NUDCD3: variants seen among roughly 807,000 people sequenced by gnomAD.
NUDCD3 encodes NudC domain containing 3, also known as nudC domain-containing protein 3.
A neutral mutation model predicts 39.7 loss-of-function variants in NUDCD3; 13 were observed. That is an observed-to-expected ratio of 0.33 (90% confidence interval 0.21 to 0.52). The LOEUF is 0.52. Among genes scored for constraint, NUDCD3 ranks in the 20% least tolerant of loss-of-function variants. The pLI, the probability that NUDCD3 is intolerant of heterozygous loss-of-function variation, is 0.96. For missense variants in NUDCD3, 453 were observed against 458.1 expected (o/e 0.99, Z 0.10); for synonymous variants, 175 against 172.4 (o/e 1.02, Z -0.12).
intron 3 of NUDCD3, among the ~76,000 whole-genome samples, chr7:44,421,049 A>G (rs1335801097): frequency 6.6e-6 from 1 of 152,144 alleles, no homozygotes; most frequent in East Asian, 1.9e-4. Context: ...AAAGACACAG[A>G]TGGGCCAGGA....
intron 2 of NUDCD3, among the ~76,000 whole-genome samples, chr7:44,430,335 G>A (rs545982390): frequency 6.6e-6 from 1 of 152,244 alleles, no homozygotes; most frequent in African/African-American, 2.4e-5. Flanking sequence ...CAGACCCCAA[G>A]TTTCCACAGG....
At chr7:44,443,399 T>C (rs1319455750) in intron 2 of NUDCD3, among the ~76,000 whole-genome samples, 2 of 151,948 alleles carry the variant, frequency 1.3e-5, no homozygotes, top group Admixed American at 6.6e-5. Flanking sequence ...GAAATCTTTT[T>C]TTTTCTTTTC....
At chr7:44,391,147 G>GA (rs1187103712) in intron 5 of NUDCD3, among the ~76,000 whole-genome samples, 20 of 151,870 alleles carry the variant, frequency 1.3e-4, no homozygotes, top group South Asian at 2.1e-4. Context: ...ATTGTGGGGG[G>GA]AAAAAAACAA....
At position 44,490,403 on chromosome 7, in the gene NUDCD3, C is replaced by G; in HGVS notation, c.192+6G>C. ...GCTCCCCAGACCGCAGGCCCGCCCG[C>G]CTCACCTGCAGCACCAAGGCCTGCG... On this transcript the variant is annotated splice_donor_region_variant and intron_variant, in intron 1 of 5. Coordinates refer to ENST00000355451, the MANE Select transcript of NUDCD3 (RefSeq NM_015332.4). The G allele has an allele frequency of 6.5e-7, 1 of 1,544,956 alleles. No individual in the cohort carries two copies.
chr7:44,394,231 CA>C (rs1798577356), intron 4 of NUDCD3, among the ~76,000 whole-genome samples: 1 of 152,186 alleles, frequency 6.6e-6, no homozygotes, highest in African/African-American at 2.4e-5. Flanking sequence ...GAGTGGTGAA[CA>C]GGGGGAGTGG....
In NUDCD3 at chr7:44,386,190, C is replaced by T. The variant is rs567413467; in HGVS notation, c.976-69G>A. 183 of 1,539,062 alleles carry T rather than the reference C, an allele frequency of 1.2e-4. No individual in the cohort carries two copies. In the African/African-American group the frequency reaches 2.2e-3, roughly 18 times the overall value. The stretch of plus-strand genomic sequence containing the variant: ...TGTGTACTTTCTCCCAGAGCAGACT[C>T]TGACTGCAGGTAGAGAGCCTTCTTG... On this transcript the variant is annotated intron_variant, in intron 5 of 5. Coordinates refer to ENST00000355451, the MANE Select transcript of NUDCD3 (RefSeq NM_015332.4).
chr7:44,430,597 CACACACAA>C (rs1188226631), intron 2 of NUDCD3, among the ~76,000 whole-genome samples: 14 of 151,146 alleles, frequency 9.3e-5, no homozygotes, highest in African/African-American at 3.4e-4. Flanking sequence ...CACACACACA[CACACACAA>C]AAGACCAACA....
intron 2 of NUDCD3, among the ~76,000 whole-genome samples, chr7:44,462,828 G>C (rs2116951461): frequency 6.6e-6 from 1 of 152,178 alleles, no homozygotes; most frequent in South Asian, 2.1e-4. Context: ...GAATTTTCCA[G>C]GAATACAACA....
Position 44,485,128 on chromosome 7 carries a change from C to G in NUDCD3, c.349G>C (p.Glu117Gln). 6.2e-7 allele frequency: 1 copy of G among 1,614,226 alleles called. No individual in the cohort carries two copies. The highest frequency in any genetic ancestry group is 1.7e-5 in the Admixed American group (1 of 60,024). Residue 117 changes from glutamate to glutamine, a missense_variant, in exon 2 of 6, where the codon GAG (glutamate) becomes CAG (glutamine). By Grantham distance (29) the Glu-to-Gln change is conservative. Coordinates refer to ENST00000355451, the MANE Select transcript of NUDCD3 (RefSeq NM_015332.4). The part of the protein sequence containing the change: ...EPVPVPVQEI[E>Q]IDSTTELDGH... ...TCCAATTCTGTGGTGGAGTCAATCT[C>G]TATTTCCTGGACTGGAACTGGGACT...
intron 3 of NUDCD3, among the ~76,000 whole-genome samples, chr7:44,417,021 C>T (rs1009236357): frequency 1.2e-4 from 18 of 152,310 alleles, no homozygotes; most frequent in Middle Eastern, 3.4e-3. Flanking sequence ...AGGTTCTATA[C>T]GGCACCTGCC....
intron 3 of NUDCD3, among the ~76,000 whole-genome samples, chr7:44,427,295 G>A (rs1799254566): frequency 1.3e-5 from 2 of 152,170 alleles, no homozygotes; most frequent in Admixed American, 1.3e-4. Flanking sequence ...AAGAGGTGAA[G>A]ACATCAGATG....
intron 2 of NUDCD3, among the ~76,000 whole-genome samples, chr7:44,434,675 G>A (rs1799432971): frequency 6.6e-6 from 1 of 152,204 alleles, no homozygotes; most frequent in Non-Finnish European, 1.5e-5. Context: ...CTGGTCTCAA[G>A]TATGTCCTAC....
chr7:44,456,754 TA>T (rs397889034), intron 2 of NUDCD3, among the ~76,000 whole-genome samples: 305 of 142,060 alleles, frequency 2.1e-3, no homozygotes, highest in Middle Eastern at 3.5e-3. Context: ...AGACCAATCT[TA>T]AAAAAAAAAA....
intron 4 of NUDCD3, among the ~76,000 whole-genome samples, chr7:44,396,950 TTTG>T (rs201952701): frequency 6.1e-5 from 9 of 148,270 alleles, no homozygotes; most frequent in South Asian, 2.1e-4. Flanking sequence ...TACATTTGTT[TTTG>T]TTTTTTTCTG....
intron 2 of NUDCD3, among the ~76,000 whole-genome samples, chr7:44,462,945 C>CTGTGTGTGTGTG (rs3138779): frequency 7.2e-4 from 106 of 146,790 alleles, no homozygotes; most frequent in African/African-American, 2.6e-3. Context: ...CACAACCAGG[C>CTGTGTGTGTGTG]TGTGTGTGTG....
intron 2 of NUDCD3, among the ~76,000 whole-genome samples, chr7:44,443,366 G>A (rs1414754642): frequency 2.6e-5 from 4 of 152,104 alleles, no homozygotes; most frequent in Non-Finnish European, 5.9e-5. Context: ...GCCAAAGTCT[G>A]AATTTTGTTT....
intron 3 of NUDCD3, among the ~76,000 whole-genome samples, chr7:44,420,766 G>A (rs1799122570): frequency 6.6e-6 from 1 of 152,146 alleles, no homozygotes; most frequent in African/African-American, 2.4e-5. Context: ...ATAAGTGAAG[G>A]TGAAATAAAA....
chr7:44,465,229 T>C (rs147658157), intron 2 of NUDCD3, among the ~76,000 whole-genome samples: 139 of 152,354 alleles, frequency 9.1e-4, no homozygotes, highest in African/African-American at 3.2e-3. Flanking sequence ...CTTTTAGTGA[T>C]TTTAAAAATC....
chr7:44,393,858 A>T (rs1295926892), intron 4 of NUDCD3, among the ~76,000 whole-genome samples: 2 of 152,154 alleles, frequency 1.3e-5, no homozygotes, highest in Non-Finnish European at 2.9e-5. Context: ...TGTGACACTC[A>T]AGAGGTCACA....
Sources: allele counts gnomAD v4.1 joint callset (sites outside exome capture counted in the v4.1 genomes callset), GRCh38; gene constraint gnomAD v4.1.1; transcripts MANE v1.5; gene names NCBI Gene and HGNC (gene_info 2026-07-23, HGNC 2026-07-21).